Variants in SLC30A7 observed in about 807,000 individuals in gnomAD.
SLC30A7 encodes zinc transporter 7.
Under a neutral mutation model 46.0 loss-of-function variants are expected in SLC30A7, and 35 were observed. That is an observed-to-expected ratio of 0.76 (90% CI 0.58 to 1.01). The LOEUF (loss-of-function observed/expected upper bound fraction) is 1.01, where lower values mean the gene tolerates loss of function less well. Ranked by LOEUF, SLC30A7 falls within the 50% of genes least tolerant of loss-of-function variation. The probability of loss-of-function intolerance (pLI) is 0.00; values close to 1 mark genes in which losing one functional copy is unlikely to be tolerated. For missense variants in SLC30A7, 464 were observed against 451.1 expected (o/e 1.03, Z -0.26); for synonymous variants, 147 against 157.8 (o/e 0.93, Z 0.51).
chr1:100,921,851 A>C lies in SLC30A7; in HGVS notation c.842+10A>C. On this transcript the variant is annotated intron_variant, in intron 8 of 10. Transcript: ENST00000357650. ...TTCTTATAGTTGTAAGGTAAGTGTT[A>C]TTGTTACTTTCAAGTATTAAAGTGA... is the stretch of plus-strand genomic sequence containing the variant. The C allele has an allele frequency of 6.3e-7, 1 of 1,590,386 alleles. No homozygotes were observed. The highest frequency in any genetic ancestry group is 8.6e-7 in the Non-Finnish European group (1 of 1,166,384).
At chr1:100,992,820 G>A in the SLC30A7 span, 11 of 880,186 alleles carry the variant, frequency 1.2e-5, no homozygotes, top group Non-Finnish European at 2.0e-5. Flanking sequence ...GCTCTCCCAG[G>A]TATACTCAAG....
intron 7 of SLC30A7, 48 bp downstream of exon 7, chr1:100,918,175 A>G (rs1357458779): frequency 1.3e-6 from 2 of 1,491,620 alleles, no homozygotes; most frequent in Non-Finnish European, 1.9e-6. Context: ...AACTGCTTTT[A>G]TAGTTTTGAA....
intron 10 of SLC30A7, among the ~76,000 whole-genome samples, chr1:100,972,060 T>C (rs1042005163): frequency 1.3e-5 from 2 of 152,108 alleles, no homozygotes; most frequent in African/African-American, 4.8e-5. Flanking sequence ...ATGCAGTGAG[T>C]ACTATATGGT....
At chr1:100,941,557 A>G (rs1224140388) in intron 8 of SLC30A7, 1 of 562,724 alleles carries the variant, frequency 1.8e-6, no homozygotes, top group African/African-American at 1.9e-5. Context: ...TCATGATTTC[A>G]ATCACTTCAG....
At position 100,965,847 on chromosome 1, in the gene SLC30A7, T is replaced by G; in HGVS notation, c.1012T>G (p.Leu338Val). ...TLCSDVYVGT[L>V]KLIVAPDADA... ...ATGTTCTGACGTTTATGTTGGGACC[T>G]TGAAATTAATAGTAGCACCTGATGC... Residue 338 changes from leucine (L) to valine (V), a missense_variant, in exon 10 of 11, where the codon TTG becomes GTG. Physicochemically the swap from Leu to Val is conservative, Grantham distance 32. Transcript: ENST00000357650. 1.9e-6 allele frequency: 3 copies of G among 1,613,994 alleles called. No individual in the cohort carries two copies. The highest frequency in any genetic ancestry group is 1.1e-5 in the South Asian group (1 of 91,060).
downstream of SLC30A7, among the ~76,000 whole-genome samples, chr1:100,983,305 AAAG>A (rs1657056869): frequency 6.6e-6 from 1 of 151,966 alleles, no homozygotes; most frequent in African/African-American, 2.4e-5. Flanking sequence ...TTTCCAAAAA[AAAG>A]AAACAGCATT....
chr1:100,985,248 G>C (rs541520971), downstream of SLC30A7, among the ~76,000 whole-genome samples: 3 of 152,320 alleles, frequency 2.0e-5, no homozygotes, highest in African/African-American at 7.2e-5. Context: ...AGTATATAGT[G>C]CTGAAGGAAG....
chr1:100,913,773 C>G lies in SLC30A7; in HGVS notation c.622C>G (p.His208Asp), dbSNP rs765218401. ...VKHGAAHSHD[H>D]AHGHGHFHSH... ...ACATGGTGCTGCACATAGCCATGAT[C>G]ATGCTCATGGACATGGACACTTTCA... The change falls in exon 6 of 11, where the codon CAT becomes GAT. Residue 208 changes from histidine to aspartate, a missense_variant. Physicochemically the swap from His to Asp is moderately conservative, Grantham distance 81. Transcript: ENST00000357650. 6.2e-7 allele frequency: 1 copy of G among 1,613,732 alleles called. No individual in the cohort carries two copies. Among genetic ancestry groups the G allele is most frequent in the Non-Finnish European group, 8.5e-7 (1 of 1,179,676 alleles).
At chr1:100,945,906 T>G (rs1228525003) in intron 8 of SLC30A7, among the ~76,000 whole-genome samples, 1 of 152,208 alleles carries the variant, frequency 6.6e-6, no homozygotes, top group African/African-American at 2.4e-5. Context: ...ATATTGATTC[T>G]TCCTATCCAC....
the SLC30A7 span, chr1:100,995,670 G>A: frequency 2.0e-5 from 3 of 153,632 alleles, no homozygotes; most frequent in Admixed American, 6.4e-5. Flanking sequence ...CAGACGCTGC[G>A]TCAGAGACTG....
At chr1:100,919,096 T>G (rs1463711411) in intron 7 of SLC30A7, among the ~76,000 whole-genome samples, 1 of 152,216 alleles carries the variant, frequency 6.6e-6, no homozygotes, top group Non-Finnish European at 1.5e-5. Context: ...GAGCTAAAGA[T>G]TTAATGCAAA....
intron 8 of SLC30A7, among the ~76,000 whole-genome samples, chr1:100,956,037 G>C (rs997829932): frequency 2.0e-5 from 3 of 151,720 alleles, no homozygotes; most frequent in African/African-American, 2.4e-5. Flanking sequence ...TACCTAAAAA[G>C]ACAACCATTC....
rs1219681899 is a variant in SLC30A7, at chr1:100,975,564, T to C, written c.*707T>C. 1 of 152,564 alleles carries C rather than the reference T, an allele frequency of 6.6e-6. No homozygotes were observed. Among genetic ancestry groups the C allele is most frequent in the Admixed American group, 6.5e-5 (1 of 15,280 alleles). The allele number at this position is 152,564 out of a possible 1,614,324, so 9.5% of individuals were successfully genotyped here. On this transcript the variant is annotated 3_prime_UTR_variant, in exon 11 of 11. Coordinates refer to ENST00000357650, the MANE Select transcript of SLC30A7 (RefSeq NM_133496.5). ...TATTTTTTGAGATGGAGTCTCGCTC[T>C]GTAGCCAGGCTGGAGTGCAGTGGCA... is the stretch of plus-strand genomic sequence containing the variant.
chr1:100,929,904 T>C (rs2101043557), intron 8 of SLC30A7, among the ~76,000 whole-genome samples: 1 of 152,262 alleles, frequency 6.6e-6, no homozygotes, highest in South Asian at 2.1e-4. Context: ...TCTGCTCCTT[T>C]TTTCCCTAAG....
intron 7 of SLC30A7, among the ~76,000 whole-genome samples, chr1:100,919,977 G>A (rs1652837786): frequency 6.6e-6 from 1 of 152,028 alleles, no homozygotes; most frequent in Non-Finnish European, 1.5e-5. Flanking sequence ...CTTTGTATAA[G>A]TTAAACATCC....
chr1:100,900,826 T>G (rs1216755088), intron 2 of SLC30A7, among the ~76,000 whole-genome samples: 1 of 152,208 alleles, frequency 6.6e-6, no homozygotes, highest in East Asian at 1.9e-4. Flanking sequence ...TTCCTTATTT[T>G]CAATTTTGAA....
chr1:100,958,123 T>C (rs1333961934), intron 8 of SLC30A7, among the ~76,000 whole-genome samples: 1 of 152,218 alleles, frequency 6.6e-6, no homozygotes, highest in African/African-American at 2.4e-5. Flanking sequence ...AACCTGGCTT[T>C]TACTGTTCCT....
At chr1:100,912,810 G>A (rs1226071752) in intron 5 of SLC30A7, among the ~76,000 whole-genome samples, 2 of 151,676 alleles carry the variant, frequency 1.3e-5, no homozygotes, top group African/African-American at 2.4e-5. Flanking sequence ...CCCGGGAGGT[G>A]GAGGTTGCAG....
downstream of SLC30A7, among the ~76,000 whole-genome samples, chr1:100,985,047 G>GGACTT (rs1255778873): frequency 1.3e-5 from 2 of 152,066 alleles, no homozygotes; most frequent in Non-Finnish European, 2.9e-5. Flanking sequence ...ACATACAGAT[G>GGACTT]GACTTAACAG....
Sources: gnomAD v4.1 joint callset for allele counts (sites outside exome capture counted in the v4.1 genomes callset) on GRCh38, gnomAD v4.1.1 for gene constraint, MANE v1.5 for transcripts, NCBI Gene and HGNC (gene_info 2026-07-23, HGNC 2026-07-21) for gene names.